ETV5: variants seen among roughly 807,000 people sequenced by gnomAD.
ETV5 encodes ETS variant transcription factor 5.
In ETV5, 10 loss-of-function variants were observed where a neutral mutation model predicts 70.0. The observed-to-expected ratio is 0.14, with a 90% CI of 0.09 to 0.24. The LOEUF is 0.24. ETV5 is among the 10% of genes least tolerant of loss of function. ETV5 has a pLI of 1.00. For missense variants in ETV5, 453 were observed against 651.2 expected (o/e 0.70, Z 3.31); for synonymous variants, 216 against 242.2 (o/e 0.89, Z 1.01).
intron 7 of ETV5, among the ~76,000 whole-genome samples, chr3:186,076,059 A>C (rs1016918456): frequency 2.0e-5 from 3 of 152,220 alleles, no homozygotes; most frequent in Non-Finnish European, 4.4e-5. Context: ...GAGAAAACTC[A>C]CAAGATTGGG....
At chr3:186,060,366 T>C (rs1578539945) in intron 9 of ETV5, among the ~76,000 whole-genome samples, 1 of 152,228 alleles carries the variant, frequency 6.6e-6, no homozygotes, top group African/African-American at 2.4e-5. Context: ...CTACACCATC[T>C]GGAAGATACT....
chr3:186,101,551 T>C (rs1259994884), intron 5 of ETV5, among the ~76,000 whole-genome samples: 2 of 152,170 alleles, frequency 1.3e-5, no homozygotes, highest in East Asian at 1.9e-4. Context: ...CTCAGGATCA[T>C]AGAAGGAAGA....
chr3:186,104,343 T>C (rs574398678), intron 5 of ETV5, among the ~76,000 whole-genome samples: 2 of 152,282 alleles, frequency 1.3e-5, no homozygotes, highest in East Asian at 3.9e-4. Flanking sequence ...TTGAAAGCCA[T>C]CTTTTGAGCT....
In ETV5 at chr3:186,105,719, G is replaced by C. The variant is rs1306750401; in HGVS notation, c.46-7C>G. The C allele has an allele frequency of 6.2e-7, 1 of 1,614,182 alleles. No individual in the cohort carries two copies. The highest frequency in any genetic ancestry group is 1.7e-5 in the Admixed American group (1 of 60,022). ...ATTCCTCAGATCGAGATTTCTGAAA[G>C]AGGCCAACAGAAAGTGAAGGCTCAA... On this transcript the variant is annotated splice_polypyrimidine_tract_variant and splice_region_variant and intron_variant, in intron 2 of 12. Coordinates refer to ENST00000306376, the MANE Select transcript of ETV5 (RefSeq NM_004454.3). This position sits in a 1 kb window ranked among gnomAD's most constrained non-coding sequence, Gnocchi z 4.5.
rs1218704740 is a variant in ETV5 at position 186,054,830 on chromosome 3, G to A, written c.1209+2245C>T. 6.6e-6 allele frequency among the ~76,000 whole-genome samples: 1 copy of A among 152,168 alleles called. No individual in the cohort carries two copies. The highest frequency in any genetic ancestry group is 2.4e-5 in the African/African-American group (1 of 41,422). ...GAGGGGTGGGGGGAGCTCAGCAAAT[G>A]TCACCTGTCCTGAGGCTAACGTGCA... On this transcript the variant is annotated intron_variant, in intron 11 of 12. Coordinates refer to ENST00000306376, the MANE Select transcript of ETV5 (RefSeq NM_004454.3). This position sits in a 1 kb window ranked among gnomAD's most constrained non-coding sequence, Gnocchi z 4.4.
chr3:186,046,959 T>C lies in ETV5; in HGVS notation c.*1680A>G, dbSNP rs1018643631. 1.3e-5 allele frequency: 3 copies of C among 230,066 alleles called. No individual in the cohort carries two copies. Among genetic ancestry groups the C allele is most frequent in the African/African-American group, 6.6e-5 (3 of 45,192 alleles). 14.3% of individuals were successfully genotyped at this position (230,066 alleles called of 1,614,324 possible). A position where few individuals can be genotyped will look rare whatever the true frequency, so the allele number is the denominator to read the frequency against. On this transcript the variant is annotated 3_prime_UTR_variant, in exon 13 of 13. Transcript: ENST00000306376. ...AGCTATAAAGTGCACCCCTTATCCC[T>C]GCGAACCTCTTCACAAATGTGCTGT...
At chr3:186,101,487 G>C (rs1714457413) in intron 5 of ETV5, among the ~76,000 whole-genome samples, 1 of 152,078 alleles carries the variant, frequency 6.6e-6, no homozygotes, top group Non-Finnish European at 1.5e-5. Context: ...ATTACTCTCT[G>C]TCTTCCAAAT....
chr3:186,046,326 GA>G lies in ETV5; in HGVS notation c.*2312del. The G allele has an allele frequency of 4.8e-6, 1 of 209,760 alleles. No individual in the cohort carries two copies. The highest frequency in any genetic ancestry group is 9.7e-6 in the Non-Finnish European group (1 of 102,950). 13.0% of individuals were successfully genotyped at this position (209,760 alleles called of 1,614,324 possible). ...AGGCAGGTTCGGGTGCTTGGTAAACGAAAAGCAAACTTCTTTATTGTACACA... is the reference window on the plus strand; with the variant it reads ...AGGCAGGTTCGGGTGCTTGGTAAACGAAAGCAAACTTCTTTATTGTACACA... On this transcript the variant is annotated 3_prime_UTR_variant, in exon 13 of 13. Transcript: ENST00000306376.
intron 5 of ETV5, among the ~76,000 whole-genome samples, chr3:186,103,176 AC>A (rs1171665653): frequency 6.6e-6 from 1 of 152,158 alleles, no homozygotes; most frequent in African/African-American, 2.4e-5. Flanking sequence ...AGTAAAAAAA[AC>A]ATCATACTTG....
intron 12 of ETV5, among the ~76,000 whole-genome samples, chr3:186,050,856 AAAC>A (rs1291803670): frequency 6.6e-6 from 1 of 152,206 alleles, no homozygotes; most frequent in Non-Finnish European, 1.5e-5. Context: ...AGGTGACAGA[AAAC>A]AAGGAGGGGC....
intron 5 of ETV5, among the ~76,000 whole-genome samples, chr3:186,100,493 T>G (rs1714426941): frequency 6.6e-6 from 1 of 152,202 alleles, no homozygotes; most frequent in Non-Finnish European, 1.5e-5. Context: ...CACACATTAA[T>G]AAAGAAATCC....
intron 6 of ETV5, chr3:186,080,795 T>A (rs1233006728): frequency 1.7e-5 from 5 of 296,152 alleles, no homozygotes; most frequent in African/African-American, 1.1e-4. Context: ...ACTCTTTCCC[T>A]AGAAGGACTG....
At chr3:186,088,831 C>A (rs1714117679) in intron 5 of ETV5, among the ~76,000 whole-genome samples, 1 of 152,194 alleles carries the variant, frequency 6.6e-6, no homozygotes, top group Non-Finnish European at 1.5e-5. Context: ...GTGCTTCCAA[C>A]ATAGTGCTGC....
At chr3:186,103,620 AACACACACACACACACACACACACAC>A (rs10534124) in intron 5 of ETV5, among the ~76,000 whole-genome samples, 115 of 142,972 alleles carry the variant, frequency 8.0e-4, no homozygotes, top group African/African-American at 2.0e-3. Flanking sequence ...TCATCTTGCA[AACACACACACACACACACACACACAC>A]ACACACACAC....
In ETV5 at chr3:186,048,402, T is replaced by A. The variant is rs1362602618; in HGVS notation, c.*237A>T. 15 of 551,152 alleles carry A rather than the reference T, an allele frequency of 2.7e-5. No individual in the cohort carries two copies. The Admixed American group carries it at 4.4e-4, about 16-fold the overall frequency. 34.1% of individuals were successfully genotyped at this position (551,152 alleles called of 1,614,324 possible). A position where few individuals can be genotyped will look rare whatever the true frequency, so the allele number is the denominator to read the frequency against. ...TTTTGATCTCTTCCCAGAAACCTCATCAGAATCAAGAGTTGAGGCACTGGC... is the reference window on the plus strand; with the variant it reads ...TTTTGATCTCTTCCCAGAAACCTCAACAGAATCAAGAGTTGAGGCACTGGC... On this transcript the variant is annotated 3_prime_UTR_variant, in exon 13 of 13. Coordinates refer to ENST00000306376, the MANE Select transcript of ETV5 (RefSeq NM_004454.3).
At chr3:186,106,387 C>T (rs1372149244) in intron 1 of ETV5, among the ~76,000 whole-genome samples, 3 of 152,122 alleles carry the variant, frequency 2.0e-5, no homozygotes, top group Non-Finnish European at 4.4e-5. Flanking sequence ...AAATTATTGG[C>T]AATTAAAGAT....
chr3:186,103,480 C>A (rs1323499990), intron 5 of ETV5, among the ~76,000 whole-genome samples: 1 of 152,166 alleles, frequency 6.6e-6, no homozygotes, highest in African/African-American at 2.4e-5. Context: ...GTCATAAAAG[C>A]ATTTCAAAGA....
chr3:186,079,932 G>T lies in ETV5; in HGVS notation c.535C>A (p.His179Asn). The change falls in exon 7 of 13, where the codon CAT becomes AAT. Residue 179 changes from histidine (H) to asparagine (N), a missense_variant. By Grantham distance (68) the His-to-Asn change is moderately conservative (BLOSUM62 1). This residue lies in a region of ETV5 where 307 missense variants were observed against 344.9 expected (regional missense o/e 0.89). Coordinates refer to ENST00000306376, the MANE Select transcript of ETV5 (RefSeq NM_004454.3). ...TGTGGTCCAGGCTCTGGAAGCGAAT[G>T]GGGGGCGGGGGCGGGGCCCACACCT... is the stretch of plus-strand genomic sequence containing the variant. ...VQGVGPAPAP[H>N]SLPEPGPQQQ... 1 of 1,606,076 alleles carries T rather than the reference G, an allele frequency of 6.2e-7. No homozygotes were observed. The highest frequency in any genetic ancestry group is 1.1e-5 in the South Asian group (1 of 89,934).
intron 7 of ETV5, among the ~76,000 whole-genome samples, chr3:186,066,662 A>C (rs1253279345): frequency 1.3e-5 from 2 of 152,242 alleles, no homozygotes; most frequent in African/African-American, 4.8e-5. Flanking sequence ...GAATATATTT[A>C]GGACTTTGAA....
Sources: allele counts gnomAD v4.1 joint callset (sites outside exome capture counted in the v4.1 genomes callset), GRCh38; gene constraint gnomAD v4.1.1; regional missense constraint gnomAD v4.1.1; non-coding constraint Gnocchi (gnomAD v3.1); transcripts MANE v1.5; gene names NCBI Gene and HGNC (gene_info 2026-07-23, HGNC 2026-07-21).